Variants in CEP15 observed in about 807,000 individuals in gnomAD.
The protein encoded by CEP15 is centrosomal protein 15 kDa.
chr3:62,331,404 G>A, the CEP15 span: 1 of 1,611,382 alleles, frequency 6.2e-7, no homozygotes, highest in Non-Finnish European at 8.5e-7. Flanking sequence ...CTTGAGGTGA[G>A]CATCTTAAGG....
At chr3:62,320,487 G>A in the CEP15 span, 13 of 1,611,906 alleles carry the variant, frequency 8.1e-6, no homozygotes, top group Non-Finnish European at 1.0e-5. Context: ...TTCCTTGTTT[G>A]CTCAAGAAAT....
the CEP15 span, chr3:62,319,052 C>T: frequency 6.6e-6 from 1 of 152,328 alleles, no homozygotes; most frequent in Non-Finnish European, 1.5e-5. Context: ...CAGAGGCGGG[C>T]TCGGTGAGTG....
At chr3:62,327,518 G>A in the CEP15 span, among the ~76,000 whole-genome samples, 24 of 152,324 alleles carry the variant, frequency 1.6e-4, no homozygotes, top group Admixed American at 5.2e-4. Flanking sequence ...TCAGATTCAG[G>A]TTCATTGTTT....
At chr3:62,333,230 T>G in the CEP15 span, 1 of 1,604,654 alleles carries the variant, frequency 6.2e-7, no homozygotes, top group Non-Finnish European at 8.5e-7. This position sits in a 1 kb window ranked among gnomAD's most constrained non-coding sequence, Gnocchi z 4.0. Context: ...GATATGCTTT[T>G]TTACTTTTGG....
the CEP15 span, among the ~76,000 whole-genome samples, chr3:62,330,341 C>T: frequency 6.6e-6 from 1 of 152,118 alleles, no homozygotes; most frequent in African/African-American, 2.4e-5. Flanking sequence ...TTTCTATCAA[C>T]TCACTAAGCT....
At chr3:62,325,384 G>A in the CEP15 span, among the ~76,000 whole-genome samples, 1 of 152,118 alleles carries the variant, frequency 6.6e-6, no homozygotes, top group East Asian at 1.9e-4. Flanking sequence ...TTGGAAAGTA[G>A]CAGGAATATA....
the CEP15 span, chr3:62,333,676 T>TA: frequency 0.016 from 2,831 of 182,320 alleles, 5 homozygotes; most frequent in Middle Eastern, 0.026. This position sits in a 1 kb window ranked among gnomAD's most constrained non-coding sequence, Gnocchi z 4.0. Flanking sequence ...TGTGTTGCTT[T>TA]AAAAAAAAAA....
At chr3:62,329,310 T>C in the CEP15 span, among the ~76,000 whole-genome samples, 1 of 152,174 alleles carries the variant, frequency 6.6e-6, no homozygotes, top group Admixed American at 6.5e-5. Context: ...AGGAATAAGA[T>C]GAGCTTAGTT....
chr3:62,331,734 T>C, the CEP15 span, among the ~76,000 whole-genome samples: 1 of 152,130 alleles, frequency 6.6e-6, no homozygotes, highest in African/African-American at 2.4e-5. Context: ...TCAAATGCTT[T>C]TGCTGCTTGC....
At chr3:62,322,050 A>G in the CEP15 span, 1 of 1,603,170 alleles carries the variant, frequency 6.2e-7, no homozygotes, top group Non-Finnish European at 8.5e-7. This position sits in a 1 kb window ranked among gnomAD's most constrained non-coding sequence, Gnocchi z 5.5. Flanking sequence ...TTAGTCTTTT[A>G]AAGGTAAGTT....
the CEP15 span, chr3:62,333,477 A>AT: frequency 2.1e-6 from 3 of 1,404,090 alleles, no homozygotes; most frequent in Non-Finnish European, 2.9e-6. The surrounding 1 kb of genome is among the most constrained non-coding windows in gnomAD (Gnocchi z 4.0). Context: ...TAGGAATTAA[A>AT]TATGTTCATA....
chr3:62,323,446 G>A, the CEP15 span, among the ~76,000 whole-genome samples: 4 of 152,174 alleles, frequency 2.6e-5, no homozygotes, highest in African/African-American at 9.6e-5. Flanking sequence ...ATGATCCTGG[G>A]AGCGTGACTA....
the CEP15 span, among the ~76,000 whole-genome samples, chr3:62,331,901 G>A: frequency 2.3e-4 from 35 of 151,954 alleles, no homozygotes; most frequent in African/African-American, 8.0e-4. Context: ...AACTATATTT[G>A]GTATATGAAT....
At chr3:62,328,838 G>T in the CEP15 span, among the ~76,000 whole-genome samples, 2 of 151,546 alleles carry the variant, frequency 1.3e-5, no homozygotes, top group Non-Finnish European at 2.9e-5. Flanking sequence ...CAAAGGAAAG[G>T]TTCTTATATG....
chr3:62,326,174 C>T, the CEP15 span, among the ~76,000 whole-genome samples: 559 of 152,192 alleles, frequency 3.7e-3, 4 homozygotes, highest in African/African-American at 0.013. Flanking sequence ...CCCTGGAAGC[C>T]TTTATGGGGC....
At chr3:62,327,049 A>C in the CEP15 span, among the ~76,000 whole-genome samples, 1 of 150,748 alleles carries the variant, frequency 6.6e-6, no homozygotes, top group East Asian at 1.9e-4. Context: ...CTTGATTGAT[A>C]AGTCTCTAAA....
At chr3:62,334,719 A>G in the CEP15 span, 5 of 152,196 alleles carry the variant, frequency 3.3e-5, no homozygotes, top group African/African-American at 1.2e-4. This position sits in a 1 kb window ranked among gnomAD's most constrained non-coding sequence, Gnocchi z 4.9. Flanking sequence ...AGGAAGGAAG[A>G]AAAAAGAAAA....
chr3:62,335,819 A>G, the CEP15 span: 2 of 152,180 alleles, frequency 1.3e-5, no homozygotes, highest in African/African-American at 4.8e-5. Flanking sequence ...TTGCAAATGC[A>G]TAAATATTCA....
the CEP15 span, chr3:62,334,378 G>C: frequency 2.0e-5 from 3 of 152,090 alleles, no homozygotes; most frequent in African/African-American, 7.2e-5. The surrounding 1 kb of genome is among the most constrained non-coding windows in gnomAD (Gnocchi z 4.9). Flanking sequence ...GAAGACAATA[G>C]GAAAAGCTAA....
Sources: allele counts gnomAD v4.1 joint callset (sites outside exome capture counted in the v4.1 genomes callset), GRCh38; gene constraint gnomAD v4.1.1; non-coding constraint Gnocchi (gnomAD v3.1); transcripts MANE v1.5; gene names NCBI Gene and HGNC (gene_info 2026-07-23, HGNC 2026-07-21).